The following PHLPP1 variants were observed in gnomAD, a reference collection of about 807,000 sequenced individuals.
PHLPP1 encodes PH domain and leucine rich repeat protein phosphatase 1.
PHLPP1 carries 42 observed loss-of-function variants against 117.2 expected under a neutral mutation model. The ratio of observed to expected loss-of-function variants is 0.36; its 90% CI spans 0.28 to 0.46. The LOEUF (loss-of-function observed/expected upper bound fraction) is 0.46, where lower values mean the gene tolerates loss of function less well. Among genes scored for constraint, PHLPP1 ranks in the 20% least tolerant of loss-of-function variants. The probability of loss-of-function intolerance (pLI) is 1.00; values close to 1 mark genes in which losing one functional copy is unlikely to be tolerated. For missense variants in PHLPP1, 2,084 were observed against 2,241.9 expected, an observed-to-expected ratio of 0.93 and a Z score of 1.42; for synonymous variants, 1,042 against 970.7, an observed-to-expected ratio of 1.07 and a Z score of -1.37.
intron 1 of PHLPP1, among the ~76,000 whole-genome samples, chr18:62,818,175 A>C (rs572448408): frequency 2.0e-5 from 3 of 152,014 alleles, no homozygotes; most frequent in African/African-American, 7.2e-5. Flanking sequence ...TGAACACTAG[A>C]AGTCAGTGGA....
At position 62,873,397 on chromosome 18, in the gene PHLPP1, TAC is replaced by T. The variant is rs1428847762; in HGVS notation, c.2066+12799_2066+12800del. On this transcript the variant is annotated intron_variant, in intron 4 of 16. Transcript: ENST00000262719. ...CTTGCCAAATTGGTGACAATTAAAA[TAC>T]ACTTAAATTGTTTAATTCTATGTGT... 3.9e-5 allele frequency among the ~76,000 whole-genome samples: 6 copies of T among 152,242 alleles called. No homozygotes were observed. In the South Asian group the frequency reaches 6.2e-4, roughly 16 times the overall value.
At chr18:62,850,541 C>T (rs1016841774) in intron 3 of PHLPP1, among the ~76,000 whole-genome samples, 1 of 152,062 alleles carries the variant, frequency 6.6e-6, no homozygotes, top group African/African-American at 2.4e-5. Flanking sequence ...GGGAATGCTG[C>T]CATGACGTTC....
chr18:62,798,900 AAAAACAAAAC>A (rs201189089), intron 1 of PHLPP1, among the ~76,000 whole-genome samples: 32 of 152,178 alleles, frequency 2.1e-4, no homozygotes, highest in African/African-American at 5.1e-4. Context: ...GGGCATGTTT[AAAAACAAAAC>A]AAAACAAAAC....
intron 1 of PHLPP1, among the ~76,000 whole-genome samples, chr18:62,767,141 C>T (rs140411017): frequency 5.1e-4 from 78 of 152,104 alleles, no homozygotes; most frequent in African/African-American, 1.8e-3. Context: ...CGGTATCAGG[C>T]CCTAAATCAT....
intron 1 of PHLPP1, among the ~76,000 whole-genome samples, chr18:62,726,528 T>C (rs1186161947): frequency 6.6e-6 from 1 of 151,578 alleles, no homozygotes; most frequent in Non-Finnish European, 1.5e-5. Flanking sequence ...TTTCTAGTAC[T>C]TGTAGTATTT....
chr18:62,945,413 A>C (rs1910252154), intron 12 of PHLPP1, 142 bp downstream of exon 12: 1 of 627,502 alleles, frequency 1.6e-6, no homozygotes, highest in Admixed American at 3.7e-5. Context: ...CCTCCTTCCT[A>C]ACCAATGGGC....
At chr18:62,821,889 G>C (rs1568127826) in intron 1 of PHLPP1, among the ~76,000 whole-genome samples, 1 of 151,868 alleles carries the variant, frequency 6.6e-6, no homozygotes, top group Non-Finnish European at 1.5e-5. Flanking sequence ...CTCTTGAGTA[G>C]CTGGGATTAC....
At position 62,761,646 on chromosome 18, in the gene PHLPP1, TAAAAATAAAAAAATA is replaced by T. The variant is rs1414109993; in HGVS notation, c.1576+44401_1576+44415del. On this transcript the variant is annotated intron_variant, in intron 1 of 16. Coordinates refer to ENST00000262719, the MANE Select transcript of PHLPP1 (RefSeq NM_194449.4). Reference sequence around the variant, plus strand: ...AGACTCCGTCTCAAAAAAAAATAAATAAAAATAAAAAAATAAAAAATAAAAAAAAAAAGAAATGAT... The same window carrying T: ...AGACTCCGTCTCAAAAAAAAATAAATAAAAATAAAAAAAAAAAGAAATGAT... Among the ~76,000 whole-genome samples the T allele has an allele frequency of 9.1e-5, 12 of 132,500 alleles. No individual in the cohort carries two copies. The East Asian group carries it at 2.2e-3, about 24-fold the overall frequency. The allele number at this position is 132,500 out of a possible 152,430, so 86.9% of individuals were successfully genotyped here.
intron 1 of PHLPP1, among the ~76,000 whole-genome samples, chr18:62,750,199 G>C (rs530423484): frequency 1.3e-5 from 2 of 152,118 alleles, no homozygotes; most frequent in African/African-American, 4.8e-5. Flanking sequence ...TGAGGGAGGG[G>C]GACACAAATC....
At chr18:62,923,774 G>A (rs1909544591) in intron 10 of PHLPP1, among the ~76,000 whole-genome samples, 1 of 152,060 alleles carries the variant, frequency 6.6e-6, no homozygotes, top group African/African-American at 2.4e-5. Flanking sequence ...GAGTTTGAGG[G>A]GGAAATGAAT....
chr18:62,756,760 A>G (rs1912034569), intron 1 of PHLPP1, among the ~76,000 whole-genome samples: 1 of 152,230 alleles, frequency 6.6e-6, no homozygotes, highest in Admixed American at 6.5e-5. Context: ...GAATTGTAAT[A>G]TACCCATTCT....
At chr18:62,824,890 C>T (rs1440576359) in intron 1 of PHLPP1, among the ~76,000 whole-genome samples, 1 of 151,856 alleles carries the variant, frequency 6.6e-6, no homozygotes, top group Non-Finnish European at 1.5e-5. Context: ...CACCCCCACC[C>T]CCCATTTTTT....
intron 4 of PHLPP1, among the ~76,000 whole-genome samples, chr18:62,889,134 C>A (rs1204466106): frequency 6.6e-6 from 1 of 152,146 alleles, no homozygotes; most frequent in African/African-American, 2.4e-5. Flanking sequence ...ACGTTCAGAT[C>A]AAGAACTTAA....
At chr18:62,730,790 C>CAAAAA (rs34266723) in intron 1 of PHLPP1, among the ~76,000 whole-genome samples, 1 of 70,606 alleles carries the variant, frequency 1.4e-5, no homozygotes, top group Admixed American at 1.3e-4. Context: ...AACTTTGTCT[C>CAAAAA]AAAAAAAAAA....
At chr18:62,913,947 T>C (rs1917032546) in intron 8 of PHLPP1, among the ~76,000 whole-genome samples, 1 of 152,098 alleles carries the variant, frequency 6.6e-6, no homozygotes, top group Non-Finnish European at 1.5e-5. Context: ...GGTTTCACCA[T>C]GTTAGTCAGG....
At chr18:62,863,968 C>A (rs1915700137) in intron 4 of PHLPP1, among the ~76,000 whole-genome samples, 1 of 137,984 alleles carries the variant, frequency 7.2e-6, no homozygotes, top group South Asian at 2.3e-4. Flanking sequence ...TGACATATTT[C>A]CCCCTTCCCT....
chr18:62,859,388 G>A (rs1246323677), intron 3 of PHLPP1, among the ~76,000 whole-genome samples: 1 of 152,230 alleles, frequency 6.6e-6, no homozygotes, highest in Non-Finnish European at 1.5e-5. Context: ...GATCCTGGCT[G>A]TGGGAGGAGT....
At chr18:62,840,084 G>A (rs1173008779) in intron 3 of PHLPP1, among the ~76,000 whole-genome samples, 2 of 152,122 alleles carry the variant, frequency 1.3e-5, no homozygotes, top group African/African-American at 4.8e-5. Context: ...TCAGATTGCT[G>A]TGTGATGTAA....
intron 10 of PHLPP1, among the ~76,000 whole-genome samples, chr18:62,933,055 G>A (rs868643065): frequency 6.6e-5 from 10 of 152,068 alleles, no homozygotes; most frequent in East Asian, 1.9e-4. Context: ...ACATTTATCC[G>A]AGGAGGTGAA....
Sources: gnomAD v4.1 joint callset for allele counts (sites outside exome capture counted in the v4.1 genomes callset) on GRCh38, gnomAD v4.1.1 for gene constraint, MANE v1.5 for transcripts, NCBI Gene and HGNC (gene_info 2026-07-23, HGNC 2026-07-21) for gene names.